The following RPL28 variants were observed in gnomAD, a reference collection of about 807,000 sequenced individuals.
RPL28 encodes ribosomal protein L28, also known as large ribosomal subunit protein eL28.
Under a neutral mutation model 12.5 loss-of-function variants are expected in RPL28, and 4 were observed. That is an observed-to-expected ratio of 0.32 (90% CI 0.16 to 0.73). RPL28 has a LOEUF of 0.73. RPL28 is among the 30% of genes least tolerant of loss of function. The pLI is 0.66. For missense variants in RPL28, 214 were observed against 197.7 expected (o/e 1.08, Z -0.49); for synonymous variants, 91 against 72.5 (o/e 1.26, Z -1.30).
At chr19:55,402,973 G>A in exon 5 of RPL28, 3 of 1,534,552 alleles carry the variant, frequency 2.0e-6, no homozygotes, top group African/African-American at 1.4e-5. Context: ...GCAGCAGGCT[G>A]TAAGCAGCCT....
chr19:55,389,640 T>G lies in RPL28; in HGVS notation c.*1308T>G. 1.0e-6 allele frequency: 1 copy of G among 985,470 alleles called. No individual in the cohort carries two copies. The highest frequency in any genetic ancestry group is 1.7e-5 in the African/African-American group (1 of 57,354). The allele number at this position is 985,470 out of a possible 1,614,324, so 61.0% of individuals were successfully genotyped here. A position where few individuals can be genotyped will look rare whatever the true frequency, so the allele number is the denominator to read the frequency against. ...GAGGCAGACCACTGCCCTTCCGACC[T>G]CAGTCCTGTCTGCTCCAGTCTTGCC... On this transcript the variant is annotated 3_prime_UTR_variant, in exon 5 of 5. Transcript: ENST00000344063.
chr19:55,388,252 C>T lies in RPL28; in HGVS notation c.334C>T (p.Arg112Cys), dbSNP rs570842735. ...YRPDLRMAAI[R>C]RASAILRSQK... ...GCTCCCCCGCCCCCAGGCAGCCATC[C>T]GCAGGGCCAGCGCCATCCTGCGCAG... Residue 112 changes from arginine to cysteine, a missense_variant, in exon 5 of 5, where the codon CGC (arginine) becomes TGC (cysteine). Coordinates refer to ENST00000344063, the MANE Select transcript of RPL28 (RefSeq NM_000991.5). The T allele has an allele frequency of 4.5e-6, 7 of 1,556,186 alleles. No homozygotes were observed. The highest frequency in any genetic ancestry group is 2.0e-4 in the Middle Eastern group (1 of 5,088).
downstream of RPL28, among the ~76,000 whole-genome samples, chr19:55,396,023 A>G (rs1041056716): frequency 6.6e-6 from 1 of 152,024 alleles, no homozygotes; most frequent in Non-Finnish European, 1.5e-5. Context: ...CATGCCTGTT[A>G]TCCTTGCACT....
Position 55,386,591 on chromosome 19 carries a change from C to T in RPL28, c.103C>T (p.Arg35Cys), listed in dbSNP as rs370156233. Reference sequence around the variant, plus strand: ...CCAGGAGCCCAATAACTTGAAGGCCCGCAATTCCTTCCGCTACAACGGACT... The same window carrying T: ...CCAGGAGCCCAATAACTTGAAGGCCTGCAATTCCTTCCGCTACAACGGACT... ...YSTEPNNLKA[R>C]NSFRYNGLIH... The change falls in exon 3 of 5, where the codon CGC (arginine) becomes TGC (cysteine). Residue 35 changes from arginine (R) to cysteine (C), a missense_variant. By Grantham distance (180) the Arg-to-Cys change is radical (BLOSUM62 -3). Transcript: ENST00000344063. 3.1e-6 allele frequency: 5 copies of T among 1,609,938 alleles called. No homozygotes were observed. The African/African-American group carries it at 4.0e-5, about 13-fold the overall frequency.
At position 55,390,070 on chromosome 19, in the gene RPL28, C is replaced by T; in HGVS notation, c.*1738C>T. The T allele has an allele frequency of 1.0e-6, 1 of 985,528 alleles. No homozygotes were observed. The highest frequency in any genetic ancestry group is 1.2e-6 in the Non-Finnish European group (1 of 829,980). The allele number at this position is 985,528 out of a possible 1,614,324, so 61.0% of individuals were successfully genotyped here. The stretch of plus-strand genomic sequence containing the variant: ...ACAGCACTGATTTGCAGCCCACAAG[C>T]TGGCAGGTTTATCTGTCTCATGTTT... On this transcript the variant is annotated 3_prime_UTR_variant, in exon 5 of 5. Coordinates refer to ENST00000344063, the MANE Select transcript of RPL28 (RefSeq NM_000991.5).
chr19:55,395,950 T>C (rs1383352155), downstream of RPL28, among the ~76,000 whole-genome samples: 1 of 152,178 alleles, frequency 6.6e-6, no homozygotes, highest in African/African-American at 2.4e-5. Context: ...TAGTGTCCCA[T>C]ACAAGGCATA....
In RPL28 at chr19:55,391,625, C is replaced by G; in HGVS notation, c.*3293C>G. 1 of 1,545,948 alleles carries G rather than the reference C, an allele frequency of 6.5e-7. No homozygotes were observed. The highest frequency in any genetic ancestry group is 8.8e-7 in the Non-Finnish European group (1 of 1,141,818). On this transcript the variant is annotated 3_prime_UTR_variant, in exon 5 of 5. Transcript: ENST00000344063. ...TGCAACCTTGGGCAAGTTCCTCAAC[C>G]TCTCTGTGTCTTCGTACCCTCATCT...
Position 55,388,489 on chromosome 19 carries a change from T to C in RPL28, c.*157T>C. On this transcript the variant is annotated 3_prime_UTR_variant, in exon 5 of 5. Transcript: ENST00000344063. ...TGTCACCTTGTCCATCTGGAGGTGA[T>C]GTCAATGGCTGGCCATGCAGGAGGG... is the stretch of plus-strand genomic sequence containing the variant. 1.5e-6 allele frequency: 2 copies of C among 1,319,566 alleles called. No homozygotes were observed. The allele number at this position is 1,319,566 out of a possible 1,614,324, so 81.7% of individuals were successfully genotyped here.
downstream of RPL28, among the ~76,000 whole-genome samples, chr19:55,395,404 A>G (rs1240268030): frequency 6.6e-6 from 1 of 151,068 alleles, no homozygotes; most frequent in Non-Finnish European, 1.5e-5. Flanking sequence ...AAGTGCTGGA[A>G]TTACAGGCGT....
At position 55,391,451 on chromosome 19, in the gene RPL28, C is replaced by T. The variant is rs996476891; in HGVS notation, c.*3119C>T. On this transcript the variant is annotated 3_prime_UTR_variant, in exon 5 of 5. Transcript: ENST00000344063. Reference sequence around the variant, plus strand: ...AGCTGCATGGTGAGTGAGCGTAGGGCGCACCCTGGAAGGCTGCCAAGCCCA... The same window carrying T: ...AGCTGCATGGTGAGTGAGCGTAGGGTGCACCCTGGAAGGCTGCCAAGCCCA... The T allele has an allele frequency of 1.8e-5, 25 of 1,353,556 alleles. No individual in the cohort carries two copies. The African/African-American group carries it at 2.5e-4, about 14-fold the overall frequency. The allele number at this position is 1,353,556 out of a possible 1,614,324, so 83.8% of individuals were successfully genotyped here. A position where few individuals can be genotyped will look rare whatever the true frequency, so the allele number is the denominator to read the frequency against.
chr19:55,388,799 T>C lies in RPL28; in HGVS notation c.*467T>C, dbSNP rs2089961534. On this transcript the variant is annotated 3_prime_UTR_variant, in exon 5 of 5. Coordinates refer to ENST00000344063, the MANE Select transcript of RPL28 (RefSeq NM_000991.5). The stretch of plus-strand genomic sequence containing the variant: ...CACGGGAGGAAGATGAGATGACTTT[T>C]GCATCCAGGGAGTGGGTGCAGCCAC... The C allele has an allele frequency of 1.0e-6, 1 of 990,676 alleles. No individual in the cohort carries two copies. The highest frequency in any genetic ancestry group is 4.7e-5 in the South Asian group (1 of 21,342). The allele number at this position is 990,676 out of a possible 1,614,324, so 61.4% of individuals were successfully genotyped here. A position where few individuals can be genotyped will look rare whatever the true frequency, so the allele number is the denominator to read the frequency against.
At chr19:55,397,069 AG>A (rs1170135803), downstream of RPL28, among the ~76,000 whole-genome samples, 1 of 151,960 alleles carries the variant, frequency 6.6e-6, no homozygotes, top group Non-Finnish European at 1.5e-5. Context: ...TTGTACAGAC[AG>A]GGTTTCGCCA....
intron 4 of RPL28, chr19:55,401,412 C>A (rs765970088): frequency 1.9e-6 from 3 of 1,540,938 alleles, no homozygotes; most frequent in Non-Finnish European, 1.8e-6. Context: ...GTTGGGGTCA[C>A]GGTGGAAGGA....
Position 55,386,332 on chromosome 19 carries a change from G to T in RPL28, c.-8-18G>T, listed in dbSNP as rs773932702. ...GTTCTCTGTGTCTGACGCTTTCCCT[G>T]TGCCCGTTTCCCCGCAGCCGCCGCC... On this transcript the variant is annotated intron_variant, in intron 1 of 4. Transcript: ENST00000344063. 3 of 1,611,484 alleles carry T rather than the reference G, an allele frequency of 1.9e-6. No individual in the cohort carries two copies. The highest frequency in any genetic ancestry group is 1.3e-5 in the African/African-American group (1 of 74,860).
At position 55,390,862 on chromosome 19, in the gene RPL28, CCCT is replaced by C. The variant is rs1273614561; in HGVS notation, c.*2535_*2537del. On this transcript the variant is annotated 3_prime_UTR_variant, in exon 5 of 5. Coordinates refer to ENST00000344063, the MANE Select transcript of RPL28 (RefSeq NM_000991.5). ...CTGAGCAAACGTGGAGACACCATTTCCCTCCTCTAGACCTCATCTTGGAGAGAG... is the reference window on the plus strand; with the variant it reads ...CTGAGCAAACGTGGAGACACCATTTCCCTCTAGACCTCATCTTGGAGAGAG... 7.1e-6 allele frequency: 7 copies of C among 985,282 alleles called. No individual in the cohort carries two copies. The highest frequency in any genetic ancestry group is 1.0e-3 in the Middle Eastern group (2 of 1,936). The allele number at this position is 985,282 out of a possible 1,614,324, so 61.0% of individuals were successfully genotyped here.
At position 55,389,914 on chromosome 19, in the gene RPL28, C is replaced by T. The variant is rs1178004337; in HGVS notation, c.*1582C>T. Reference sequence around the variant, plus strand: ...TCAGGAGCCCCCACTGTCCCAGTCCCACTCAGGCCCATCTCTGGCTGGCCT... The same window carrying T: ...TCAGGAGCCCCCACTGTCCCAGTCCTACTCAGGCCCATCTCTGGCTGGCCT... On this transcript the variant is annotated 3_prime_UTR_variant, in exon 5 of 5. Coordinates refer to ENST00000344063, the MANE Select transcript of RPL28 (RefSeq NM_000991.5). 2 of 985,488 alleles carry T rather than the reference C, an allele frequency of 2.0e-6. No individual in the cohort carries two copies. Among genetic ancestry groups the T allele is most frequent in the Non-Finnish European group, 2.4e-6 (2 of 830,076 alleles). The allele number at this position is 985,488 out of a possible 1,614,324, so 61.0% of individuals were successfully genotyped here. A position where few individuals can be genotyped will look rare whatever the true frequency, so the allele number is the denominator to read the frequency against.
chr19:55,394,764 C>G (rs924954686), downstream of RPL28, among the ~76,000 whole-genome samples: 2 of 151,802 alleles, frequency 1.3e-5, no homozygotes, highest in Non-Finnish European at 2.9e-5. Context: ...TGTAGAGACA[C>G]GATCTCACTA....
chr19:55,388,154 T>C (rs1426820507), intron 4 of RPL28, 89 bp from the exon 5 acceptor site: 11 of 1,562,110 alleles, frequency 7.0e-6, no homozygotes, highest in Non-Finnish European at 1.7e-6. Flanking sequence ...GGATTCTTGC[T>C]TTCAGCCTAC....
rs1480738867 is a variant in RPL28, at chr19:55,391,741, TG to T, written c.*3410del. 1 of 1,505,006 alleles carries T rather than the reference TG, an allele frequency of 6.6e-7. No homozygotes were observed. The highest frequency in any genetic ancestry group is 9.0e-7 in the Non-Finnish European group (1 of 1,113,080). 93.2% of individuals were successfully genotyped at this position (1,505,006 alleles called of 1,614,324 possible). A position where few individuals can be genotyped will look rare whatever the true frequency, so the allele number is the denominator to read the frequency against. On this transcript the variant is annotated 3_prime_UTR_variant, in exon 5 of 5. Coordinates refer to ENST00000344063, the MANE Select transcript of RPL28 (RefSeq NM_000991.5). ...CTTGACTGTGCCCACAAATCCTGAT[TG>T]TAGGAATAAATTAATGACTTTTTAT... is the stretch of plus-strand genomic sequence containing the variant.
Sources: gnomAD v4.1 joint callset for allele counts (sites outside exome capture counted in the v4.1 genomes callset) on GRCh38, gnomAD v4.1.1 for gene constraint, MANE v1.5 for transcripts, NCBI Gene and HGNC (gene_info 2026-07-23, HGNC 2026-07-21) for gene names.